The following HHAT variants were observed in gnomAD, a reference collection of about 807,000 sequenced individuals.
HHAT encodes protein-cysteine N-palmitoyltransferase HHAT.
Under a neutral mutation model 70.8 loss-of-function variants are expected in HHAT, and 47 were observed. That is an observed-to-expected ratio of 0.66 (90% CI 0.53 to 0.85). The LOEUF (loss-of-function observed/expected upper bound fraction) is 0.85. HHAT is among the 40% of genes least tolerant of loss of function. The pLI is 0.00. For missense variants in HHAT, 609 were observed against 604.8 expected, an observed-to-expected ratio of 1.01 and a Z score of -0.07; for synonymous variants, 228 against 247.6, an observed-to-expected ratio of 0.92 and a Z score of 0.74.
intron 6 of HHAT, among the ~76,000 whole-genome samples, chr1:210,411,814 A>G (rs983201966): frequency 1.4e-5 from 2 of 146,496 alleles, no homozygotes; most frequent in Non-Finnish European, 3.1e-5. Flanking sequence ...CTGCCTCTAC[A>G]TGTCTTACAT....
intron 3 of HHAT, among the ~76,000 whole-genome samples, chr1:210,383,171 A>G (rs919241586): frequency 5.9e-5 from 9 of 152,108 alleles, no homozygotes; most frequent in Non-Finnish European, 1.3e-4. Flanking sequence ...GAAACCCCGT[A>G]TCTACTAAAA....
rs989378930 is a variant in HHAT, at chr1:210,494,031, A to G, written c.1008-19122A>G. On this transcript the variant is annotated intron_variant, in intron 8 of 11. Transcript: ENST00000261458. ...TGTTCTTCTATTGAAGCAGATAAAT[A>G]TTAGAATTTGGTTGGAGGGAGGTGG... Among the ~76,000 whole-genome samples the G allele has an allele frequency of 5.9e-5, 9 of 152,310 alleles. No individual in the cohort carries two copies. The South Asian group carries it at 1.2e-3, about 21-fold the overall frequency.
At chr1:210,659,599 G>C (rs1283081184) in intron 11 of HHAT, among the ~76,000 whole-genome samples, 1 of 152,168 alleles carries the variant, frequency 6.6e-6, no homozygotes, top group Non-Finnish European at 1.5e-5. Flanking sequence ...ATCAAAGCCT[G>C]CCAGAGACAC....
chr1:210,330,755 A>G (rs953684789), intron 1 of HHAT, among the ~76,000 whole-genome samples: 2 of 152,214 alleles, frequency 1.3e-5, no homozygotes, highest in East Asian at 1.9e-4. Flanking sequence ...TTCATGGACA[A>G]TAAGTTTTTC....
chr1:210,613,511 T>G (rs1484352334), intron 10 of HHAT, among the ~76,000 whole-genome samples: 2 of 152,238 alleles, frequency 1.3e-5, no homozygotes, highest in African/African-American at 2.4e-5. Flanking sequence ...CCACACAGTT[T>G]TGATTATTGT....
intron 10 of HHAT, among the ~76,000 whole-genome samples, chr1:210,606,259 A>AT (rs143314769): frequency 0.021 from 3,242 of 151,166 alleles, 102 homozygotes; most frequent in African/African-American, 0.073. Context: ...TAATAACTTC[A>AT]TTTTTTTTTG....
chr1:210,414,064 A>C (rs893608339), intron 6 of HHAT, among the ~76,000 whole-genome samples: 2 of 152,230 alleles, frequency 1.3e-5, no homozygotes, highest in Non-Finnish European at 2.9e-5. Context: ...TATAAGCCAC[A>C]TAAATGTATT....
intron 3 of HHAT, 46 bp downstream of exon 3, chr1:210,362,965 C>A: frequency 7.3e-7 from 1 of 1,362,576 alleles, no homozygotes; most frequent in South Asian, 1.2e-5. Context: ...AACCTGATTT[C>A]AATATTTCAC....
chr1:210,487,408 G>A (rs978883635), intron 8 of HHAT, among the ~76,000 whole-genome samples: 2 of 152,200 alleles, frequency 1.3e-5, no homozygotes, highest in African/African-American at 4.8e-5. Flanking sequence ...ACTTCACAGA[G>A]AATGGTCTTC....
At chr1:210,425,726 C>A (rs1026884843) in intron 7 of HHAT, among the ~76,000 whole-genome samples, 2 of 152,086 alleles carry the variant, frequency 1.3e-5, no homozygotes, top group African/African-American at 2.4e-5. Flanking sequence ...CAGTATCATG[C>A]TGTTTTGGTT....
At chr1:210,633,887 G>A (rs1385834279) in intron 11 of HHAT, among the ~76,000 whole-genome samples, 5 of 152,180 alleles carry the variant, frequency 3.3e-5, no homozygotes, top group Non-Finnish European at 7.3e-5. Context: ...GGCTATTGTA[G>A]CGTGCCAGCT....
intron 7 of HHAT, among the ~76,000 whole-genome samples, chr1:210,431,612 G>A (rs1482253220): frequency 6.6e-6 from 1 of 151,858 alleles, no homozygotes; most frequent in Admixed American, 6.5e-5. Context: ...CTCACAAGAA[G>A]CATCTCCAGC....
chr1:210,643,734 T>A (rs1415583774), intron 11 of HHAT, among the ~76,000 whole-genome samples: 2 of 152,020 alleles, frequency 1.3e-5, no homozygotes, highest in Admixed American at 1.3e-4. Context: ...CCAGACAACT[T>A]TGTTGGAAGA....
chr1:210,513,119 T>C (rs768734990), intron 8 of HHAT, 34 bp from the exon 9 acceptor site: 40 of 1,342,812 alleles, frequency 3.0e-5, no homozygotes, highest in Non-Finnish European at 4.0e-5. Context: ...AAATATCTTT[T>C]ATTGATATGC....
chr1:210,346,124 A>G (rs746751352), intron 1 of HHAT, among the ~76,000 whole-genome samples: 90 of 152,162 alleles, frequency 5.9e-4, no homozygotes, highest in Middle Eastern at 3.4e-3. Flanking sequence ...CGAATTTTCT[A>G]GTTCCCTGAG....
intron 7 of HHAT, among the ~76,000 whole-genome samples, chr1:210,454,193 C>T (rs1232992992): frequency 6.6e-6 from 1 of 152,128 alleles, no homozygotes; most frequent in Non-Finnish European, 1.5e-5. Flanking sequence ...GGGGACACAG[C>T]CAAACCATAT....
At chr1:210,598,924 A>C (rs1374114541) in intron 10 of HHAT, among the ~76,000 whole-genome samples, 1 of 152,204 alleles carries the variant, frequency 6.6e-6, no homozygotes, top group East Asian at 1.9e-4. Context: ...CACTTCTTTC[A>C]TATCTCCATC....
intron 10 of HHAT, among the ~76,000 whole-genome samples, chr1:210,598,673 C>T (rs1406154333): frequency 1.3e-5 from 2 of 152,178 alleles, no homozygotes; most frequent in Admixed American, 1.3e-4. Context: ...TACAAGTTGT[C>T]ACTCCCCGTG....
At chr1:210,580,434 C>T (rs1196079508) in intron 9 of HHAT, among the ~76,000 whole-genome samples, 1 of 151,580 alleles carries the variant, frequency 6.6e-6, no homozygotes, top group East Asian at 1.9e-4. Flanking sequence ...CATAGGTATA[C>T]GTGTGCCATG....
Sources: allele counts gnomAD v4.1 joint callset (sites outside exome capture counted in the v4.1 genomes callset), GRCh38; gene constraint gnomAD v4.1.1; transcripts MANE v1.5; gene names NCBI Gene and HGNC (gene_info 2026-07-23, HGNC 2026-07-21).